Variants in QTMAN observed in about 807,000 individuals in gnomAD.
QTMAN encodes the protein queuosine-tRNA mannosyltransferase, also known as tRNA-queuosine alpha-mannosyltransferase.
the QTMAN span, among the ~76,000 whole-genome samples, chr2:144,083,350 C>G: frequency 1.3e-5 from 2 of 152,132 alleles, no homozygotes; most frequent in African/African-American, 4.8e-5. Context: ...AGGGACCAGC[C>G]ATGTAAGAAG....
the QTMAN span, among the ~76,000 whole-genome samples, chr2:144,032,406 T>C: frequency 2.0e-5 from 3 of 152,374 alleles, no homozygotes; most frequent in Admixed American, 1.3e-4. Flanking sequence ...TTTTGAATAG[T>C]AGTGCTATTG....
the QTMAN span, among the ~76,000 whole-genome samples, chr2:144,291,546 C>T: frequency 2.0e-5 from 3 of 152,324 alleles, no homozygotes; most frequent in South Asian, 6.2e-4. Flanking sequence ...ACTTTTATAG[C>T]TCACCCTTTA....
chr2:144,140,996 T>C, the QTMAN span, among the ~76,000 whole-genome samples: 1 of 152,018 alleles, frequency 6.6e-6, no homozygotes, highest in African/African-American at 2.4e-5. Context: ...ATGGGTGAAC[T>C]CAGTAAGTGT....
the QTMAN span, among the ~76,000 whole-genome samples, chr2:144,179,841 G>T: frequency 2.0e-5 from 3 of 152,150 alleles, no homozygotes; most frequent in Non-Finnish European, 2.9e-5. Flanking sequence ...TCCTAAGATG[G>T]ACTTAGTACT....
chr2:144,262,346 C>G, the QTMAN span, among the ~76,000 whole-genome samples: 2 of 151,848 alleles, frequency 1.3e-5, no homozygotes, highest in African/African-American at 2.4e-5. Flanking sequence ...AAGCACAATT[C>G]AAAGAGTTCC....
the QTMAN span, among the ~76,000 whole-genome samples, chr2:144,248,900 G>T: frequency 2.6e-5 from 4 of 152,020 alleles, no homozygotes; most frequent in African/African-American, 9.7e-5. Context: ...TTTGTCCTTT[G>T]TCTGAAGCCT....
At chr2:144,032,047 T>C in the QTMAN span, among the ~76,000 whole-genome samples, 2 of 152,140 alleles carry the variant, frequency 1.3e-5, no homozygotes, top group African/African-American at 2.4e-5. Context: ...CCTCCCAAAG[T>C]GCTGGGATTA....
At chr2:143,970,577 A>T in the QTMAN span, 1 of 813,044 alleles carries the variant, frequency 1.2e-6, no homozygotes, top group South Asian at 1.4e-5. Flanking sequence ...ACAAAGGGAA[A>T]CATGGAAATT....
the QTMAN span, chr2:143,952,967 G>A: frequency 1.5e-6 from 1 of 649,980 alleles, no homozygotes; most frequent in Non-Finnish European, 2.8e-6. Flanking sequence ...AAAAAACATG[G>A]TCGGCAGTAT....
the QTMAN span, among the ~76,000 whole-genome samples, chr2:144,003,033 A>G: frequency 6.6e-6 from 1 of 151,988 alleles, no homozygotes; most frequent in African/African-American, 2.4e-5. Flanking sequence ...TTTTGGGAGA[A>G]TATAGTTAAT....
chr2:144,188,237 A>G, the QTMAN span, among the ~76,000 whole-genome samples: 3 of 152,322 alleles, frequency 2.0e-5, no homozygotes, highest in South Asian at 6.2e-4. Context: ...ACTCCAAGAA[A>G]TATGTTCTCT....
the QTMAN span, among the ~76,000 whole-genome samples, chr2:144,107,230 G>A: frequency 1.3e-5 from 2 of 151,890 alleles, no homozygotes; most frequent in African/African-American, 4.8e-5. Context: ...TTCAAAAGCT[G>A]GCAGAAGGCA....
chr2:144,207,763 T>C, the QTMAN span, among the ~76,000 whole-genome samples: 3 of 152,170 alleles, frequency 2.0e-5, no homozygotes, highest in Non-Finnish European at 2.9e-5. Context: ...GATTCCATCC[T>C]ACCTGTTCCC....
At chr2:144,126,850 T>A in the QTMAN span, among the ~76,000 whole-genome samples, 18 of 152,004 alleles carry the variant, frequency 1.2e-4, no homozygotes, top group African/African-American at 4.1e-4. Flanking sequence ...AAGGACTATA[T>A]TTTTGAAGGG....
the QTMAN span, chr2:143,940,231 T>A: frequency 6.6e-6 from 1 of 152,244 alleles, no homozygotes; most frequent in East Asian, 1.9e-4. Flanking sequence ...TGACTACGAT[T>A]CTTAAGTTAC....
At chr2:143,961,518 T>C in the QTMAN span, among the ~76,000 whole-genome samples, 1 of 152,168 alleles carries the variant, frequency 6.6e-6, no homozygotes. Flanking sequence ...ATTAATTTAT[T>C]TTCCTGTGTC....
the QTMAN span, among the ~76,000 whole-genome samples, chr2:144,255,517 T>C: frequency 6.6e-6 from 1 of 152,140 alleles, no homozygotes; most frequent in Admixed American, 6.5e-5. Flanking sequence ...AATTACCCAG[T>C]CTCGGGTATT....
the QTMAN span, among the ~76,000 whole-genome samples, chr2:144,026,200 G>A: frequency 1.2e-3 from 186 of 152,252 alleles, no homozygotes; most frequent in Non-Finnish European, 2.1e-3. Context: ...TTGGGAGGCC[G>A]AGGCAGGTGA....
the QTMAN span, among the ~76,000 whole-genome samples, chr2:144,135,390 A>G: frequency 3.3e-5 from 5 of 152,142 alleles, no homozygotes; most frequent in African/African-American, 4.8e-5. Flanking sequence ...TATAAATGAG[A>G]CATAACTTCA....
Sources: gnomAD v4.1 joint callset for allele counts (sites outside exome capture counted in the v4.1 genomes callset) on GRCh38, gnomAD v4.1.1 for gene constraint, MANE v1.5 for transcripts, NCBI Gene and HGNC (gene_info 2026-07-23, HGNC 2026-07-21) for gene names.